Variants in REPS2 observed in about 807,000 individuals in gnomAD.
REPS2 encodes the protein RALBP1 associated Eps domain containing 2.
REPS2 carries 23 observed loss-of-function variants against 53.6 expected under a neutral mutation model. That is an observed-to-expected ratio of 0.43 (90% CI 0.31 to 0.61). The LOEUF is 0.61. REPS2 is among the 20% of genes least tolerant of loss of function. The probability of loss-of-function intolerance (pLI) is 0.11; values close to 1 mark genes in which losing one functional copy is unlikely to be tolerated. For synonymous variants in REPS2, 238 were observed against 218.6 expected (o/e 1.09, Z -0.78); for missense variants, 446 against 534.9 (o/e 0.83, Z 1.64).
At chrX:16,999,384 T>C (rs764874613) in intron 1 of REPS2, among the ~76,000 whole-genome samples, 69 of 106,818 alleles carry the variant, frequency 6.5e-4, no homozygotes, top group African/African-American at 2.1e-3. Flanking sequence ...TTTTTTTTTT[T>C]TTTTTTTTGC....
At chrX:16,972,884 G>A (rs2060911797) in intron 1 of REPS2, among the ~76,000 whole-genome samples, 2 of 111,385 alleles carry the variant, frequency 1.8e-5, no homozygotes, top group African/African-American at 6.5e-5. Context: ...TCAAGAATAG[G>A]AAATTAGTCT....
At chrX:17,024,363 GTTTTTTT>G (rs900082438) in intron 3 of REPS2, among the ~76,000 whole-genome samples, 1,686 of 71,681 alleles carry the variant, frequency 0.024, 46 homozygotes, top group African/African-American at 0.087. Context: ...TACTAGTAAA[GTTTTTTT>G]TTTTTTTTTT....
intron 14 of REPS2, among the ~76,000 whole-genome samples, chrX:17,106,624 C>T (rs762681215): frequency 6.4e-5 from 7 of 109,829 alleles, no homozygotes; most frequent in Admixed American, 2.0e-4. Context: ...CTGTGTTAGC[C>T]GGGATGATCT....
At position 17,080,137 on chromosome X, in the gene REPS2, G is replaced by A. The variant is rs373415015; in HGVS notation, c.1516+2730G>A. Among the ~76,000 whole-genome samples the A allele has an allele frequency of 7.5e-4, 83 of 110,855 alleles. 1 individual carries two copies. Among genetic ancestry groups the A allele is most frequent in the African/African-American group, 2.7e-3 (81 of 30,374 alleles). ...TCTATTTCATATAGAGGATTGCACCGTTCCCTTTAAGGTGTGCATGATATG... is the reference window on the plus strand; with the variant it reads ...TCTATTTCATATAGAGGATTGCACCATTCCCTTTAAGGTGTGCATGATATG... On this transcript the variant is annotated intron_variant, in intron 13 of 17. Transcript: ENST00000357277.
At chrX:17,136,206 G>A (rs967691150) in intron 16 of REPS2, 2 of 112,266 alleles carry the variant, frequency 1.8e-5, no homozygotes, top group African/African-American at 6.5e-5. Flanking sequence ...CTCAGATGCT[G>A]CTGCAGATTT....
intron 4 of REPS2, among the ~76,000 whole-genome samples, chrX:17,025,706 G>T (rs1343410377): frequency 8.9e-6 from 1 of 111,789 alleles, no homozygotes; most frequent in East Asian, 2.8e-4. Context: ...GGGGTATGTA[G>T]CATGCACAGT....
At chrX:17,030,423 C>T (rs1404668113) in intron 5 of REPS2, among the ~76,000 whole-genome samples, 2 of 110,433 alleles carry the variant, frequency 1.8e-5, no homozygotes, top group Non-Finnish European at 3.8e-5. Context: ...TCATCTAACT[C>T]GGGAATAAGG....
intron 14 of REPS2, among the ~76,000 whole-genome samples, chrX:17,105,544 A>G (rs1299262678): frequency 8.9e-6 from 1 of 112,198 alleles, no homozygotes; most frequent in African/African-American, 3.2e-5. Flanking sequence ...CTTAGTCACC[A>G]AAGATCTGAC....
intron 1 of REPS2, among the ~76,000 whole-genome samples, chrX:16,991,532 C>G (rs1347688592): frequency 1.8e-5 from 2 of 110,455 alleles, no homozygotes; most frequent in Non-Finnish European, 3.8e-5. Flanking sequence ...GAATTGTGTC[C>G]CCCACAAAAA....
At chrX:17,095,481 A>G (rs974891233) in intron 13 of REPS2, among the ~76,000 whole-genome samples, 2 of 108,213 alleles carry the variant, frequency 1.8e-5, no homozygotes, top group Admixed American at 1.0e-4. Flanking sequence ...GAAACTGTGC[A>G]GAATGTGGGA....
chrX:16,947,124 C>G lies in REPS2; in HGVS notation c.263C>G (p.Thr88Arg), dbSNP rs1470944344. ...CGGGCATCGCAGCTGCCCGCCGAGA[C>G]GCTGCACCAGGTGGGTCCCTCCGCC... ...LFRASQLPAE[T>R]LHQITELCGA... Residue 88 changes from threonine to arginine, a missense_variant, in exon 1 of 18, where the codon ACG (threonine) becomes AGG (arginine). Thr to Arg is a moderately conservative substitution (Grantham distance 71). Coordinates refer to ENST00000357277, the MANE Select transcript of REPS2 (RefSeq NM_004726.3). 3 of 1,089,968 alleles carry G rather than the reference C, an allele frequency of 2.8e-6. No individual in the cohort carries two copies. The highest frequency in any genetic ancestry group is 2.4e-6 in the Non-Finnish European group (2 of 840,362). 89.8% of individuals were successfully genotyped at this position (1,089,968 alleles called of 1,213,427 possible).
intron 12 of REPS2, chrX:17,074,422 G>T (rs2062351919): frequency 1.8e-5 from 5 of 278,881 alleles, no homozygotes; most frequent in Non-Finnish European, 3.1e-5. Context: ...AGACAACCCA[G>T]TTGTTGCAAG....
At chrX:16,958,694 G>C (rs1029719857) in intron 1 of REPS2, among the ~76,000 whole-genome samples, 1 of 112,075 alleles carries the variant, frequency 8.9e-6, no homozygotes, top group Non-Finnish European at 1.9e-5. Flanking sequence ...TCTGTTTCCT[G>C]CCCTCTCATT....
chrX:17,128,914 C>T (rs2063255904), intron 14 of REPS2, among the ~76,000 whole-genome samples: 1 of 112,692 alleles, frequency 8.9e-6, no homozygotes, highest in South Asian at 3.7e-4. Context: ...TTTCAGTGAG[C>T]TCTTTGCTAA....
chrX:17,058,212 T>C (rs1342922411), intron 8 of REPS2, among the ~76,000 whole-genome samples: 3 of 111,377 alleles, frequency 2.7e-5, no homozygotes, highest in Non-Finnish European at 5.6e-5. Context: ...CTCAGCACTT[T>C]GGGAGTCCAA....
chrX:17,022,607 C>T (rs1024691195), intron 3 of REPS2, among the ~76,000 whole-genome samples: 4 of 112,228 alleles, frequency 3.6e-5, no homozygotes, highest in African/African-American at 1.3e-4. Flanking sequence ...AATAGGTTCT[C>T]TTCTCCAAAA....
chrX:17,081,324 A>T (rs1303950678), intron 13 of REPS2, among the ~76,000 whole-genome samples: 1 of 111,693 alleles, frequency 9.0e-6, no homozygotes, highest in Non-Finnish European at 1.9e-5. Context: ...TGGTTGTTAC[A>T]TAGGAGTGAT....
intron 1 of REPS2, among the ~76,000 whole-genome samples, chrX:16,960,814 C>G (rs2060651512): frequency 9.0e-6 from 1 of 111,359 alleles, no homozygotes; most frequent in South Asian, 3.7e-4. Flanking sequence ...AATCAGCGTA[C>G]AAAAATCAGT....
At chrX:16,961,574 C>T (rs938227652) in intron 1 of REPS2, among the ~76,000 whole-genome samples, 11 of 111,743 alleles carry the variant, frequency 9.8e-5, no homozygotes, top group African/African-American at 2.3e-4. Context: ...TCCTTGATAT[C>T]GGCCTTGGCA....
Sources: allele counts gnomAD v4.1 joint callset (sites outside exome capture counted in the v4.1 genomes callset), GRCh38; gene constraint gnomAD v4.1.1; transcripts MANE v1.5; gene names NCBI Gene and HGNC (gene_info 2026-07-23, HGNC 2026-07-21).